AFF1: variants seen among roughly 807,000 people sequenced by gnomAD.
The protein encoded by AFF1 is AF4/FMR2 family member 1.
A neutral mutation model predicts 121.7 loss-of-function variants in AFF1; 48 were observed. That is an observed-to-expected ratio of 0.39 (90% CI 0.31 to 0.50). The LOEUF (loss-of-function observed/expected upper bound fraction) is 0.50. AFF1 is among the 20% of genes least tolerant of loss of function. The pLI, the probability that AFF1 is intolerant of heterozygous loss-of-function variation, is 0.76. For synonymous variants in AFF1, 613 were observed against 563.0 expected (o/e 1.09, Z -1.26); for missense variants, 1,523 against 1,511.7 (o/e 1.01, Z -0.12).
chr4:87,063,020 T>A (rs1720937704), intron 4 of AFF1, among the ~76,000 whole-genome samples: 1 of 152,156 alleles, frequency 6.6e-6, no homozygotes, highest in African/African-American at 2.4e-5. Flanking sequence ...GAAAACTACT[T>A]AACCTGTTCA....
chr4:87,004,797 C>T (rs1200403759), intron 2 of AFF1, among the ~76,000 whole-genome samples: 1 of 152,084 alleles, frequency 6.6e-6, no homozygotes, highest in Admixed American at 6.6e-5. Context: ...TGGTTGAAGT[C>T]TATAAAGAAA....
chr4:87,059,965 T>C (rs1720565184), intron 4 of AFF1, among the ~76,000 whole-genome samples: 1 of 152,224 alleles, frequency 6.6e-6, no homozygotes, highest in Non-Finnish European at 1.5e-5. Flanking sequence ...GAGGATTTCT[T>C]ACCCAGCTCA....
intron 2 of AFF1, among the ~76,000 whole-genome samples, chr4:86,972,458 G>GA (rs1381993495): frequency 1.3e-5 from 2 of 151,968 alleles, no homozygotes; most frequent in East Asian, 1.9e-4. Context: ...CAAAGACTGG[G>GA]AAAAAAATGT....
At chr4:87,091,111 A>G (rs2149715725) in intron 6 of AFF1, among the ~76,000 whole-genome samples, 1 of 151,742 alleles carries the variant, frequency 6.6e-6, no homozygotes, top group South Asian at 2.1e-4. Context: ...AATTTTTAAA[A>G]TGTAACTCAT....
At position 87,105,841 on chromosome 4, in the gene AFF1, C is replaced by T. The variant is rs1342320494; in HGVS notation, c.1372C>T (p.Pro458Ser). The T allele has an allele frequency of 6.2e-7, 1 of 1,613,986 alleles. No individual in the cohort carries two copies. The highest frequency in any genetic ancestry group is 1.3e-5 in the African/African-American group (1 of 74,902). Residue 458 changes from proline to serine, a missense_variant, in exon 10 of 21, where the codon CCA becomes TCA. Around this residue, in one of 5 missense-constraint regions of AFF1, gnomAD observed 905 missense variants for 842.5 expected, o/e 1.07. Coordinates refer to ENST00000395146, the MANE Select transcript of AFF1 (RefSeq NM_001166693.3). ...PEKPPSSSAPPSAPQSLPEPV... is the reference protein window; with the variant it reads ...PEKPPSSSAPSSAPQSLPEPV... Reference sequence around the variant, plus strand: ...GAAGCCTCCCTCCTCATCTGCACCTCCAAGGTACCGTGTGGGTTTCTCCCC... The same window carrying T: ...GAAGCCTCCCTCCTCATCTGCACCTTCAAGGTACCGTGTGGGTTTCTCCCC...
At position 87,137,887 on chromosome 4, in the gene AFF1, C is replaced by T. The variant is rs1160419086; in HGVS notation, c.*2186C>T. Reference sequence around the variant, plus strand: ...TTGTGAAGGGTTGTGTTCTTTATGGCAGGTTCTATGCAGATTGTGCCAGAG... The same window carrying T: ...TTGTGAAGGGTTGTGTTCTTTATGGTAGGTTCTATGCAGATTGTGCCAGAG... On this transcript the variant is annotated 3_prime_UTR_variant, in exon 21 of 21. Transcript: ENST00000395146. The T allele has an allele frequency of 8.6e-6, 2 of 231,750 alleles. No individual in the cohort carries two copies. Among genetic ancestry groups the T allele is most frequent in the African/African-American group, 4.4e-5 (2 of 45,234 alleles). The allele number at this position is 231,750 out of a possible 1,614,324, so 14.4% of individuals were successfully genotyped here.
chr4:87,047,457 G>C lies in AFF1; in HGVS notation c.922G>C (p.Asp308His). The C allele has an allele frequency of 6.2e-7, 1 of 1,614,168 alleles. No individual in the cohort carries two copies. Among genetic ancestry groups the C allele is most frequent in the Non-Finnish European group, 8.5e-7 (1 of 1,180,024 alleles). Residue 308 changes from aspartate (D) to histidine (H), a missense_variant, in exon 4 of 21, where the codon GAT becomes CAT. By Grantham distance (81) the Asp-to-His change is moderately conservative. Coordinates refer to ENST00000395146, the MANE Select transcript of AFF1 (RefSeq NM_001166693.3). ...TTATGTCCGGCCCATGGATGGTCAAGATCAGGCCCCTAGTGAATCCCCTGA... is the reference window on the plus strand; with the variant it reads ...TTATGTCCGGCCCATGGATGGTCAACATCAGGCCCCTAGTGAATCCCCTGA... ...TAYVRPMDGQ[D>H]QAPSESPELK... is the part of the protein sequence containing the mutation.
At chr4:86,942,833 A>G (rs1224746029) in intron 1 of AFF1, among the ~76,000 whole-genome samples, 1 of 152,236 alleles carries the variant, frequency 6.6e-6, no homozygotes, top group Admixed American at 6.5e-5. Context: ...GCAAAGCAGA[A>G]AAAGTCAGAG....
intron 2 of AFF1, among the ~76,000 whole-genome samples, chr4:87,044,722 T>A (rs926976299): frequency 6.6e-6 from 1 of 152,210 alleles, no homozygotes; most frequent in Non-Finnish European, 1.5e-5. Flanking sequence ...AAGCTGGCTC[T>A]GGAAGAATTG....
At chr4:87,094,872 A>T (rs1470969669) in intron 7 of AFF1, 43 bp from the exon 8 acceptor site, 1 of 1,591,758 alleles carries the variant, frequency 6.3e-7, no homozygotes, top group East Asian at 2.2e-5. Flanking sequence ...GGATCTTGTA[A>T]ATATGTGTCA....
At position 87,135,770 on chromosome 4, in the gene AFF1, G is replaced by C; in HGVS notation, c.*69G>C. Reference sequence around the variant, plus strand: ...CATTGGAAGCCTCAAAAACAGTCCAGACATTTGTTTCATCAGGACACCAAA... The same window carrying C: ...CATTGGAAGCCTCAAAAACAGTCCACACATTTGTTTCATCAGGACACCAAA... On this transcript the variant is annotated 3_prime_UTR_variant, in exon 21 of 21. Transcript: ENST00000395146. The C allele has an allele frequency of 8.5e-6, 13 of 1,531,690 alleles. No homozygotes were observed. Among genetic ancestry groups the C allele is most frequent in the Non-Finnish European group, 1.1e-5 (13 of 1,137,708 alleles). 94.9% of individuals were successfully genotyped at this position (1,531,690 alleles called of 1,614,324 possible).
intron 2 of AFF1, among the ~76,000 whole-genome samples, chr4:86,994,566 C>A (rs1430796516): frequency 1.3e-5 from 2 of 152,180 alleles, no homozygotes; most frequent in African/African-American, 4.8e-5. Context: ...CAGAAATTAT[C>A]TTTTGGCTGC....
intron 2 of AFF1, among the ~76,000 whole-genome samples, chr4:86,981,329 A>G (rs1250685664): frequency 6.6e-6 from 1 of 152,058 alleles, no homozygotes; most frequent in Non-Finnish European, 1.5e-5. Context: ...CTTGCTTTGT[A>G]TAGTTCTGAT....
At chr4:87,075,610 A>T (rs1722580389) in intron 4 of AFF1, among the ~76,000 whole-genome samples, 1 of 152,174 alleles carries the variant, frequency 6.6e-6, no homozygotes, top group South Asian at 2.1e-4. Context: ...TGTTACTGTC[A>T]TATCTGAAAT....
chr4:87,013,537 C>G (rs977958687), intron 2 of AFF1, among the ~76,000 whole-genome samples: 1 of 152,124 alleles, frequency 6.6e-6, no homozygotes, highest in Non-Finnish European at 1.5e-5. Flanking sequence ...TGACTGCATT[C>G]TAAAAAGTAC....
Position 87,111,016 on chromosome 4 carries a change from T to TA in AFF1, c.1533+2701_1533+2702insA, listed in dbSNP as rs1398053844. Among the ~76,000 whole-genome samples the TA allele has an allele frequency of 7.0e-5, 6 of 85,450 alleles. 2 individuals are homozygous for TA. The highest frequency in any genetic ancestry group is 1.8e-4 in the African/African-American group (4 of 22,518). 56.1% of individuals were successfully genotyped at this position (85,450 alleles called of 152,430 possible). A position where few individuals can be genotyped will look rare whatever the true frequency, so the allele number is the denominator to read the frequency against. ...AAACTTTATTTTTTTTTTTTTATTT[T>TA]TTTTTTTTTGAGACGGAGTCTCGCT... On this transcript the variant is annotated intron_variant, in intron 11 of 20. Transcript: ENST00000395146.
chr4:87,026,160 A>G (rs1052764307), intron 2 of AFF1, among the ~76,000 whole-genome samples: 57 of 149,694 alleles, frequency 3.8e-4, no homozygotes, highest in African/African-American at 1.1e-3. Context: ...AGCTGACACC[A>G]TGCCATTGCA....
intron 2 of AFF1, among the ~76,000 whole-genome samples, chr4:87,030,645 A>G (rs6810840): frequency 0.057 from 6,768 of 118,582 alleles, 493 homozygotes; most frequent in African/African-American, 0.17. Context: ...TAAAACTTAC[A>G]CTGAGCTTTT....
intron 2 of AFF1, among the ~76,000 whole-genome samples, chr4:86,992,826 T>C (rs745472381): frequency 6.6e-6 from 1 of 152,246 alleles, no homozygotes; most frequent in South Asian, 2.1e-4. Context: ...ATATAAATCC[T>C]TGATCGTGAA....
Sources: allele counts gnomAD v4.1 joint callset (sites outside exome capture counted in the v4.1 genomes callset), GRCh38; gene constraint gnomAD v4.1.1; regional missense constraint gnomAD v4.1.1; transcripts MANE v1.5; gene names NCBI Gene and HGNC (gene_info 2026-07-23, HGNC 2026-07-21).